The following TMEM45A variants were observed in gnomAD, a reference collection of about 807,000 sequenced individuals.
TMEM45A encodes the protein transmembrane protein 45A, also known as DNA polymerase-transactivated protein 4.
TMEM45A carries 25 observed loss-of-function variants against 32.0 expected under a neutral mutation model. The ratio of observed to expected loss-of-function variants is 0.78; its 90% CI spans 0.57 to 1.09. The LOEUF (loss-of-function observed/expected upper bound fraction) is 1.09. TMEM45A is among the 50% of genes least tolerant of loss of function. The pLI, the probability that TMEM45A is intolerant of heterozygous loss-of-function variation, is 0.00. For synonymous variants in TMEM45A, 122 were observed against 114.8 expected (o/e 1.06, Z -0.40); for missense variants, 302 against 325.0 (o/e 0.93, Z 0.54).
intron 1 of TMEM45A, among the ~76,000 whole-genome samples, 174 bp downstream of exon 1, chr3:100,493,102 T>C (rs1009659980): frequency 4.0e-5 from 6 of 149,302 alleles, no homozygotes; most frequent in African/African-American, 1.5e-4. Flanking sequence ...TTTAATTTAA[T>C]TTTTTTGGTT....
rs540327391 is a variant in TMEM45A, at chr3:100,553,488, A to G, written c.-3-1721A>G. On this transcript the variant is annotated intron_variant, in intron 1 of 5. Transcript: ENST00000323523. ...ATGTTTAAGACTTCTTAAACCAAAT[A>G]CAACCCATTTTCAGAAAAGTTCAAA... 3.3e-5 allele frequency among the ~76,000 whole-genome samples: 5 copies of G among 152,316 alleles called. No homozygotes were observed. The South Asian group carries it at 1.0e-3, about 32-fold the overall frequency.
chr3:100,567,540 A>AG (rs1162715542), intron 4 of TMEM45A, among the ~76,000 whole-genome samples: 4 of 151,246 alleles, frequency 2.6e-5, no homozygotes, highest in Non-Finnish European at 4.4e-5. Context: ...AAAAAAAAAA[A>AG]AGAACATTGG....
intron 4 of TMEM45A, among the ~76,000 whole-genome samples, chr3:100,559,509 G>C (rs995959021): frequency 2.0e-5 from 3 of 152,128 alleles, no homozygotes; most frequent in Middle Eastern, 6.8e-3. Context: ...TAGTAAAGAG[G>C]GGCTAGATCC....
At chr3:100,567,870 C>T (rs57671998) in intron 4 of TMEM45A, among the ~76,000 whole-genome samples, 31,625 of 151,996 alleles carry the variant, frequency 0.21, 4,181 homozygotes, top group African/African-American at 0.35. Context: ...CTGCAAGCTC[C>T]GCCTCCTGGG....
intron 1 of TMEM45A, among the ~76,000 whole-genome samples, chr3:100,500,932 T>A (rs752802111): frequency 6.6e-6 from 1 of 152,226 alleles, no homozygotes; most frequent in African/African-American, 2.4e-5. Flanking sequence ...TTTTAGTAGA[T>A]GAGAAAATTG....
In TMEM45A at chr3:100,568,840, C is replaced by A. The variant is rs778721388; in HGVS notation, c.607C>A (p.Pro203Thr). ...WFFQIGFVLY[P>T]PSGGPAWDLM... The stretch of plus-strand genomic sequence containing the variant: ...ATTACAGATTGGATTTGTCCTGTAT[C>A]CCCCCAGTGGAGGTCCTGCATGGGA... The change falls in exon 5 of 6, where the codon CCC (proline) becomes ACC (threonine). Residue 203 changes from proline to threonine, a missense_variant. Pro to Thr is a conservative substitution (Grantham distance 38). Transcript: ENST00000323523. 1 of 1,609,824 alleles carries A rather than the reference C, an allele frequency of 6.2e-7. No homozygotes were observed. Among genetic ancestry groups the A allele is most frequent in the African/African-American group, 1.3e-5 (1 of 74,820 alleles).
intron 1 of TMEM45A, among the ~76,000 whole-genome samples, chr3:100,546,707 G>C (rs1705985727): frequency 6.6e-6 from 1 of 152,306 alleles, no homozygotes; most frequent in South Asian, 2.1e-4. Context: ...CAGCTCAGTG[G>C]TAGAAAGGAA....
At chr3:100,564,930 TTCAA>T (rs1244902877) in intron 4 of TMEM45A, among the ~76,000 whole-genome samples, 3 of 152,234 alleles carry the variant, frequency 2.0e-5, no homozygotes, top group Admixed American at 1.3e-4. Flanking sequence ...GTACTGATTA[TTCAA>T]ACCATATCAG....
At chr3:100,537,855 A>G (rs1705773980) in intron 1 of TMEM45A, among the ~76,000 whole-genome samples, 1 of 152,030 alleles carries the variant, frequency 6.6e-6, no homozygotes, top group African/African-American at 2.4e-5. Flanking sequence ...TTGACTGTAC[A>G]TTGTTTTGTA....
At chr3:100,539,490 T>TGTATATGTATACGTATAC (rs1553682653) in intron 1 of TMEM45A, among the ~76,000 whole-genome samples, 1,035 of 71,800 alleles carry the variant, frequency 0.014, 23 homozygotes, top group East Asian at 0.029. Context: ...TATATGTATA[T>TGTATATGTATACGTATAC]GTATACGTAT....
intron 1 of TMEM45A, among the ~76,000 whole-genome samples, chr3:100,513,892 T>C (rs920388269): frequency 9.2e-5 from 14 of 152,048 alleles, no homozygotes; most frequent in African/African-American, 3.4e-4. Flanking sequence ...TCAAAGAGAA[T>C]AAAATACCTA....
chr3:100,519,724 C>CA, intron 1 of TMEM45A: 1 of 1,069,722 alleles, frequency 9.3e-7, no homozygotes, highest in Non-Finnish European at 1.4e-6. Context: ...TGACATTGTG[C>CA]AAGTAACTTA....
intron 1 of TMEM45A, among the ~76,000 whole-genome samples, chr3:100,533,430 C>T (rs1468441466): frequency 1.3e-5 from 2 of 152,118 alleles, no homozygotes; most frequent in Non-Finnish European, 2.9e-5. Context: ...TAGCATTCCT[C>T]ACGTCTGCAC....
At chr3:100,536,887 T>C (rs1446491919) in intron 1 of TMEM45A, among the ~76,000 whole-genome samples, 1 of 152,124 alleles carries the variant, frequency 6.6e-6, no homozygotes, top group Non-Finnish European at 1.5e-5. Context: ...GATTCAATCA[T>C]ATTTGTTTGT....
chr3:100,568,742 GGAA>G, intron 4 of TMEM45A, 77 bp from the exon 5 acceptor site: 4 of 1,336,824 alleles, frequency 3.0e-6, no homozygotes, highest in Non-Finnish European at 4.1e-6. Flanking sequence ...TATTTACCTC[GGAA>G]GCAAGTATTT....
intron 4 of TMEM45A, among the ~76,000 whole-genome samples, chr3:100,567,986 C>T (rs370269380): frequency 3.0e-4 from 46 of 152,176 alleles, no homozygotes; most frequent in African/African-American, 9.4e-4. Flanking sequence ...GGGGTTTCAC[C>T]GTGTTAGCCA....
intron 1 of TMEM45A, among the ~76,000 whole-genome samples, chr3:100,529,154 G>C (rs879720531): frequency 2.0e-5 from 3 of 152,062 alleles, no homozygotes; most frequent in Non-Finnish European, 4.4e-5. Context: ...GTTGTGCAGG[G>C]GGATTTAAAA....
intron 4 of TMEM45A, among the ~76,000 whole-genome samples, chr3:100,564,645 G>A (rs1282745687): frequency 6.6e-6 from 1 of 152,050 alleles, no homozygotes. Context: ...ACCAGGCCTA[G>A]CTAATTTTTT....
chr3:100,572,123 G>A (rs1196541468), intron 5 of TMEM45A: 2 of 152,222 alleles, frequency 1.3e-5, no homozygotes, highest in Non-Finnish European at 2.9e-5. Flanking sequence ...CCAGTAATGG[G>A]ATGGCTGGAT....
Sources: gnomAD v4.1 joint callset for allele counts (sites outside exome capture counted in the v4.1 genomes callset) on GRCh38, gnomAD v4.1.1 for gene constraint, MANE v1.5 for transcripts, NCBI Gene and HGNC (gene_info 2026-07-23, HGNC 2026-07-21) for gene names.